Variants in LPIN1 observed in about 807,000 individuals in gnomAD.
The protein encoded by LPIN1 is lipin 1.
Under a neutral mutation model 107.5 loss-of-function variants are expected in LPIN1, and 71 were observed. The ratio of observed to expected loss-of-function variants is 0.66; its 90% confidence interval spans 0.55 to 0.80. The LOEUF (loss-of-function observed/expected upper bound fraction) is 0.80, where lower values mean the gene tolerates loss of function less well. Ranked by LOEUF, LPIN1 falls within the 30% of genes least tolerant of loss-of-function variation. The probability of loss-of-function intolerance (pLI) is 0.00; values close to 1 mark genes in which losing one functional copy is unlikely to be tolerated. For missense variants in LPIN1, 1,043 were observed against 1,160.6 expected (o/e 0.90, Z 1.47); for synonymous variants, 445 against 452.6 (o/e 0.98, Z 0.21).
upstream of LPIN1, chr2:11,722,401 T>C (rs1664211027): frequency 6.6e-6 from 1 of 152,256 alleles, no homozygotes; most frequent in African/African-American, 2.4e-5. Context: ...GACCATGGTT[T>C]GGTCACCCCT....
chr2:11,795,441 G>A lies in LPIN1; in HGVS notation c.1840G>A (p.Ala614Thr). The change falls in exon 14 of 21, where the codon GCC becomes ACC. Residue 614 changes from alanine (A) to threonine (T), a missense_variant. Transcript: ENST00000674199. ...SKPEQCLAGK[A>T]HSTGEQPPQL... is the part of the protein sequence containing the mutation. ...GCCAGAGCAGTGCTTGGCTGGCAAG[G>A]CCCATAGCACCGGAGAGCAACCGCC... 2.5e-6 allele frequency: 4 copies of A among 1,614,104 alleles called. No homozygotes were observed. The highest frequency in any genetic ancestry group is 1.7e-6 in the Non-Finnish European group (2 of 1,180,020).
intron 1 of LPIN1, chr2:11,724,546 A>C (rs1019378882): frequency 1.0e-6 from 1 of 985,546 alleles, no homozygotes; most frequent in African/African-American, 1.7e-5. Context: ...CCAGGTTCGC[A>C]TGAGCAGGGG....
At chr2:11,746,315 G>A (rs758953927), upstream of LPIN1, among the ~76,000 whole-genome samples, 37 of 152,196 alleles carry the variant, frequency 2.4e-4, no homozygotes, top group Non-Finnish European at 1.0e-4. Context: ...TTACCTGGCT[G>A]CCTTTTCTCT....
Position 11,815,906 on chromosome 2 carries a change from G to A in LPIN1, c.2402+666G>A, listed in dbSNP as rs143272312. Among the ~76,000 whole-genome samples, 6 of 152,266 alleles carry A rather than the reference G, an allele frequency of 3.9e-5. No individual in the cohort carries two copies. In the East Asian group the frequency reaches 9.7e-4, roughly 25 times the overall value. On this transcript the variant is annotated intron_variant, in intron 18 of 20. Coordinates refer to ENST00000674199, the MANE Select transcript of LPIN1 (RefSeq NM_001349206.2). ...GAGTTGGAGGAAGAAAACACTGGAC[G>A]TCCCTGTAGTTGGAGGCCCAGGGCA...
At chr2:11,680,544 C>T (rs978359468) in intron 1 of LPIN1, among the ~76,000 whole-genome samples, 1 of 152,102 alleles carries the variant, frequency 6.6e-6, no homozygotes, top group Non-Finnish European at 1.5e-5. Context: ...GGGCACAGGT[C>T]AAGAGTGATT....
At chr2:11,694,020 G>A (rs1662446663) in intron 1 of LPIN1, among the ~76,000 whole-genome samples, 1 of 150,928 alleles carries the variant, frequency 6.6e-6, no homozygotes, top group Admixed American at 6.6e-5. Flanking sequence ...TTTTAGTAGA[G>A]GTGGGGTTTC....
At chr2:11,698,776 G>A (rs888550038) in intron 1 of LPIN1, among the ~76,000 whole-genome samples, 2 of 152,260 alleles carry the variant, frequency 1.3e-5, no homozygotes, top group African/African-American at 4.8e-5. Context: ...AGCAGAAGGT[G>A]GGTCAGGGAA....
upstream of LPIN1, among the ~76,000 whole-genome samples, chr2:11,720,454 C>T (rs1483033103): frequency 1.3e-5 from 2 of 152,086 alleles, no homozygotes; most frequent in African/African-American, 4.8e-5. Context: ...TAATATGTAA[C>T]TACTTTGAAT....
chr2:11,787,526 A>G (rs1056127121), intron 11 of LPIN1, among the ~76,000 whole-genome samples: 19 of 151,228 alleles, frequency 1.3e-4, no homozygotes, highest in Non-Finnish European at 2.2e-4. Flanking sequence ...TCCGCCTCGC[A>G]AAGTGCTGGG....
chr2:11,760,163 G>C (rs1408127124), intron 1 of LPIN1, among the ~76,000 whole-genome samples: 1 of 151,670 alleles, frequency 6.6e-6, no homozygotes, highest in African/African-American at 2.4e-5. Context: ...AGACGGGATG[G>C]CGGCCGGGAA....
chr2:11,807,379 C>A (rs1678886795), intron 17 of LPIN1, among the ~76,000 whole-genome samples: 1 of 152,134 alleles, frequency 6.6e-6, no homozygotes. Context: ...AAAATTGCAT[C>A]TATTTTTAGT....
intron 14 of LPIN1, among the ~76,000 whole-genome samples, chr2:11,796,188 G>A (rs1676679437): frequency 6.6e-6 from 1 of 152,156 alleles, no homozygotes; most frequent in African/African-American, 2.4e-5. Context: ...TTATTTAGCA[G>A]ACAGAAAGTG....
At chr2:11,816,555 A>G (rs1680608468) in intron 18 of LPIN1, 1 of 152,110 alleles carries the variant, frequency 6.6e-6, no homozygotes, top group Admixed American at 6.5e-5. Context: ...GGGAGGAATT[A>G]TTTTAAAAAC....
At chr2:11,782,779 C>G (rs965662072) in intron 8 of LPIN1, among the ~76,000 whole-genome samples, 8 of 152,194 alleles carry the variant, frequency 5.3e-5, no homozygotes, top group African/African-American at 1.9e-4. Flanking sequence ...TAAGTCCTTT[C>G]CAGCACACCA....
intron 1 of LPIN1, among the ~76,000 whole-genome samples, chr2:11,712,027 A>T (rs1454336363): frequency 6.6e-6 from 1 of 152,216 alleles, no homozygotes; most frequent in African/African-American, 2.4e-5. Context: ...GGGCATTCTT[A>T]AAAAAATGAA....
intron 1 of LPIN1, among the ~76,000 whole-genome samples, chr2:11,683,888 T>C (rs1171362739): frequency 6.6e-6 from 1 of 152,216 alleles, no homozygotes; most frequent in Non-Finnish European, 1.5e-5. Flanking sequence ...CCAAGTTGCC[T>C]TGAGCCTCTC....
Position 11,746,673 on chromosome 2 carries a change from T to A in LPIN1, c.-10+2T>A. 1.0e-6 allele frequency: 1 copy of A among 984,320 alleles called. No individual in the cohort carries two copies. The highest frequency in any genetic ancestry group is 1.2e-6 in the Non-Finnish European group (1 of 829,216). 61.0% of individuals were successfully genotyped at this position (984,320 alleles called of 1,614,324 possible). On this transcript the variant is annotated splice_donor_variant, in intron 1 of 20. Coordinates refer to ENST00000674199, the MANE Select transcript of LPIN1 (RefSeq NM_001349206.2). LOFTEE classifies it low-confidence loss of function (5UTR_SPLICE). ...GGCGGCCACGCGCGGCGCCGCTCGGTGAGTAGCCGCCGCCTCCAGCCTCCC... is the reference window on the plus strand; with the variant it reads ...GGCGGCCACGCGCGGCGCCGCTCGGAGAGTAGCCGCCGCCTCCAGCCTCCC...
intron 1 of LPIN1, among the ~76,000 whole-genome samples, chr2:11,738,548 C>T (rs543741338): frequency 3.6e-4 from 54 of 151,968 alleles, no homozygotes; most frequent in Non-Finnish European, 6.5e-4. Context: ...TAAAAACAGC[C>T]GGAAAGCTGG....
At position 11,820,494 on chromosome 2, in the gene LPIN1, T is replaced by A. The variant is rs1202761435; in HGVS notation, c.2601T>A (p.His867Gln). Residue 867 changes from histidine to glutamine, a missense_variant, in exon 20 of 21, where the codon CAT (histidine) becomes CAA (glutamine). Transcript: ENST00000674199. ...VNPKGELVQE[H>Q]AKTNISSYVR... ...CTAAAGGAGAGCTGGTACAGGAACATGCAAAGACCAACATCTCTTCGTGAG... is the reference window on the plus strand; with the variant it reads ...CTAAAGGAGAGCTGGTACAGGAACAAGCAAAGACCAACATCTCTTCGTGAG... 4 of 1,611,574 alleles carry A rather than the reference T, an allele frequency of 2.5e-6. No individual in the cohort carries two copies. Among genetic ancestry groups the A allele is most frequent in the Non-Finnish European group, 3.4e-6 (4 of 1,177,744 alleles).
Sources: gnomAD v4.1 joint callset for allele counts (sites outside exome capture counted in the v4.1 genomes callset) on GRCh38, gnomAD v4.1.1 for gene constraint, MANE v1.5 for transcripts, NCBI Gene and HGNC (gene_info 2026-07-23, HGNC 2026-07-21) for gene names.